Variants in PRRC2C observed in about 807,000 individuals in gnomAD.
The protein encoded by PRRC2C is proline rich coiled-coil 2C, also known as protein PRRC2C.
A neutral mutation model predicts 317.2 loss-of-function variants in PRRC2C; 72 were observed. The ratio of observed to expected loss-of-function variants is 0.23; its 90% CI spans 0.19 to 0.28. The LOEUF is 0.28. Among genes scored for constraint, PRRC2C ranks in the 10% least tolerant of loss-of-function variants. The pLI, the probability that PRRC2C is intolerant of heterozygous loss-of-function variation, is 1.00. For missense variants in PRRC2C, 3,074 were observed against 3,459.7 expected, an observed-to-expected ratio of 0.89 and a Z score of 2.80; for synonymous variants, 1,296 against 1,205.9, an observed-to-expected ratio of 1.07 and a Z score of -1.55.
chr1:171,584,365 G>A lies in PRRC2C; in HGVS notation c.7642-54G>A, dbSNP rs987244696. On this transcript the variant is annotated intron_variant, in intron 29 of 34. Transcript: ENST00000647382. ...CTTTGAAGTCATAATCTCCACCTCT[G>A]AATTTGAAATTTTTTTCAGTCTTAC... 2.7e-5 allele frequency: 40 copies of A among 1,472,302 alleles called. No individual in the cohort carries two copies. The African/African-American group carries it at 5.7e-4, about 21-fold the overall frequency. 91.2% of individuals were successfully genotyped at this position (1,472,302 alleles called of 1,614,324 possible). A position where few individuals can be genotyped will look rare whatever the true frequency, so the allele number is the denominator to read the frequency against.
chr1:171,506,544 AACACCAATTAC>A (rs1670257923), intron 1 of PRRC2C, among the ~76,000 whole-genome samples: 2 of 149,472 alleles, frequency 1.3e-5, no homozygotes, highest in African/African-American at 4.9e-5. Context: ...CTCTATGTGT[AACACCAATTAC>A]ACATAGATTA....
chr1:171,577,184 A>G (rs780264814), intron 25 of PRRC2C, among the ~76,000 whole-genome samples: 1 of 151,892 alleles, frequency 6.6e-6, no homozygotes, highest in Non-Finnish European at 1.5e-5. Context: ...CATTTTATTA[A>G]TTTTGTGTTT....
At chr1:171,552,350 A>G (rs1169312734) in intron 18 of PRRC2C, among the ~76,000 whole-genome samples, 1 of 152,214 alleles carries the variant, frequency 6.6e-6, no homozygotes, top group Non-Finnish European at 1.5e-5. Context: ...TATCAGCTTA[A>G]GGAGATTTTG....
chr1:171,540,332 A>T lies in PRRC2C; in HGVS notation c.2866A>T (p.Ile956Phe). Residue 956 changes from isoleucine to phenylalanine, a missense_variant, in exon 16 of 35, where the codon ATT becomes TTT. Ile to Phe is a conservative substitution (Grantham distance 21, BLOSUM62 0). Around this residue, in one of 11 missense-constraint regions of PRRC2C, gnomAD observed 1,320 missense variants for 1,395.7 expected, o/e 0.95. Coordinates refer to ENST00000647382, the MANE Select transcript of PRRC2C (RefSeq NM_001387844.1). ...CATTCCTAAAGTAACCAGCAGATGC[A>T]TTGATTCAAAAGAACCAATAGAAAG... ...AGIPKVTSRC[I>F]DSKEPIERPE... 1 of 1,613,538 alleles carries T rather than the reference A, an allele frequency of 6.2e-7. No homozygotes were observed. The highest frequency in any genetic ancestry group is 8.5e-7 in the Non-Finnish European group (1 of 1,179,756).
At chr1:171,521,612 G>T (rs1352539951) in intron 6 of PRRC2C, among the ~76,000 whole-genome samples, 1 of 145,618 alleles carries the variant, frequency 6.9e-6, no homozygotes, top group Non-Finnish European at 1.5e-5. Flanking sequence ...TCTTCCCCAC[G>T]CCTGCCACCC....
rs1650361886 is a variant in PRRC2C at position 171,587,666 on chromosome 1, A to C, written c.7987A>C (p.Lys2663Gln). 1 of 1,611,436 alleles carries C rather than the reference A, an allele frequency of 6.2e-7. No homozygotes were observed. Among genetic ancestry groups the C allele is most frequent in the Admixed American group, 1.7e-5 (1 of 59,938 alleles). The change falls in exon 32 of 35, where the codon AAA becomes CAA. Residue 2663 changes from lysine (K) to glutamine (Q), a missense_variant. Coordinates refer to ENST00000647382, the MANE Select transcript of PRRC2C (RefSeq NM_001387844.1). ...TCCTCAGATGTCTGAAATGGAACTAAAAGCCTTTGGAAGTGGCATTGATAT... is the reference window on the plus strand; with the variant it reads ...TCCTCAGATGTCTGAAATGGAACTACAAGCCTTTGGAAGTGGCATTGATAT... ...TTGKMSEMEL[K>Q]AFGSGIDIKP...
chr1:171,541,377 A>G lies in PRRC2C; in HGVS notation c.3911A>G (p.His1304Arg). ...GAAAACAAAAAACCTGTAAAGCCTCATTCTTCTTTCAAGCCTGATAATCAT... is the reference window on the plus strand; with the variant it reads ...GAAAACAAAAAACCTGTAAAGCCTCGTTCTTCTTTCAAGCCTGATAATCAT... The part of the protein sequence containing the change: ...RPENKKPVKP[H>R]SSFKPDNHVR... The change falls in exon 16 of 35, where the codon CAT becomes CGT. Residue 1304 changes from histidine (H) to arginine (R), a missense_variant. His to Arg is a conservative substitution (Grantham distance 29). This residue lies in a region of PRRC2C where 1,320 missense variants were observed against 1,395.7 expected (regional missense o/e 0.95). Coordinates refer to ENST00000647382, the MANE Select transcript of PRRC2C (RefSeq NM_001387844.1). This position sits in a 1 kb window ranked among gnomAD's most constrained non-coding sequence, Gnocchi z 4.1. The G allele has an allele frequency of 6.2e-7, 1 of 1,612,688 alleles. No individual in the cohort carries two copies. The highest frequency in any genetic ancestry group is 8.5e-7 in the Non-Finnish European group (1 of 1,179,542).
At chr1:171,567,331 A>G (rs1412093294) in intron 22 of PRRC2C, among the ~76,000 whole-genome samples, 1 of 152,228 alleles carries the variant, frequency 6.6e-6, no homozygotes, top group East Asian at 1.9e-4. Flanking sequence ...TGAAACGTGT[A>G]TCTAAAAATG....
At chr1:171,511,887 T>C (rs1671456992) in intron 1 of PRRC2C, 145 bp from the exon 2 acceptor site, 1 of 429,044 alleles carries the variant, frequency 2.3e-6, no homozygotes, top group Admixed American at 4.1e-5. Context: ...GTGATCAATT[T>C]TGTTGTGTAT....
intron 23 of PRRC2C, among the ~76,000 whole-genome samples, chr1:171,568,806 C>G (rs556461640): frequency 6.6e-6 from 1 of 151,442 alleles, no homozygotes; most frequent in African/African-American, 2.4e-5. Flanking sequence ...GAAAAAATAC[C>G]AGCGTGTTAA....
At chr1:171,564,245 C>T (rs898591384) in intron 20 of PRRC2C, among the ~76,000 whole-genome samples, 5 of 152,100 alleles carry the variant, frequency 3.3e-5, no homozygotes, top group African/African-American at 1.2e-4. Flanking sequence ...ACCAACTAGC[C>T]TTACAAAGAC....
Position 171,566,371 on chromosome 1 carries a change from A to G in PRRC2C, c.6256A>G (p.Lys2086Glu). 6.3e-7 allele frequency: 1 copy of G among 1,593,436 alleles called. No individual in the cohort carries two copies. Among genetic ancestry groups the G allele is most frequent in the East Asian group, 2.3e-5 (1 of 44,096 alleles). The change falls in exon 21 of 35, where the codon AAA becomes GAA. Residue 2086 changes from lysine (K) to glutamate (E), a missense_variant. By Grantham distance (56) the Lys-to-Glu change is moderately conservative. Around this residue, in one of 11 missense-constraint regions of PRRC2C, gnomAD observed 640 missense variants for 676.1 expected, o/e 0.95. Coordinates refer to ENST00000647382, the MANE Select transcript of PRRC2C (RefSeq NM_001387844.1). ...ATCTGCTGACAAAATACCTGAACCTAAAGAACAGCGGCAGAAGCAGCCACG... is the reference window on the plus strand; with the variant it reads ...ATCTGCTGACAAAATACCTGAACCTGAAGAACAGCGGCAGAAGCAGCCACG... ...EKSADKIPEPKEQRQKQPRAG... is the reference protein window; with the variant it reads ...EKSADKIPEPEEQRQKQPRAG...
At chr1:171,578,286 C>T (rs1252940635) in intron 26 of PRRC2C, among the ~76,000 whole-genome samples, 1 of 151,976 alleles carries the variant, frequency 6.6e-6, no homozygotes, top group Non-Finnish European at 1.5e-5. Flanking sequence ...GGTGTGGTGG[C>T]TCATACCTAT....
chr1:171,522,317 A>G, intron 7 of PRRC2C, 58 bp downstream of exon 7: 1 of 1,204,806 alleles, frequency 8.3e-7, no homozygotes, highest in Non-Finnish European at 1.2e-6. Flanking sequence ...AGATTTCCTG[A>G]AGGTTGAGTG....
intron 15 of PRRC2C, among the ~76,000 whole-genome samples, chr1:171,539,171 C>T (rs1314120497): frequency 2.0e-5 from 3 of 152,034 alleles, no homozygotes; most frequent in African/African-American, 7.2e-5. Context: ...CCAGCTGATT[C>T]TGTATTTTTA....
Position 171,541,616 on chromosome 1 carries a change from G to A in PRRC2C, c.4150G>A (p.Val1384Ile). ...DNQWNPRQSE[V>I]PKPEDGEPPR... is the part of the protein sequence containing the mutation. ...TCAGTGGAACCCAAGGCAGTCAGAAGTTCCTAAACCAGAAGATGGAGAGCC... is the reference window on the plus strand; with the variant it reads ...TCAGTGGAACCCAAGGCAGTCAGAAATTCCTAAACCAGAAGATGGAGAGCC... The change falls in exon 16 of 35, where the codon GTT (valine) becomes ATT (isoleucine). Residue 1384 changes from valine to isoleucine, a missense_variant. Physicochemically the swap from Val to Ile is conservative, Grantham distance 29. This residue lies in a region of PRRC2C where 1,320 missense variants were observed against 1,395.7 expected (regional missense o/e 0.95). Transcript: ENST00000647382. This position sits in a 1 kb window ranked among gnomAD's most constrained non-coding sequence, Gnocchi z 4.1. The A allele has an allele frequency of 6.2e-7, 1 of 1,613,780 alleles. No individual in the cohort carries two copies. The highest frequency in any genetic ancestry group is 8.5e-7 in the Non-Finnish European group (1 of 1,179,864).
intron 34 of PRRC2C, chr1:171,591,295 G>A: frequency 5.4e-6 from 5 of 924,138 alleles, no homozygotes; most frequent in Non-Finnish European, 5.5e-6. Context: ...TATGTTTTTA[G>A]ATTTGCAAGC....
At chr1:171,575,200 A>G (rs753146774) in intron 25 of PRRC2C, 72 bp downstream of exon 25, 10 of 1,368,496 alleles carry the variant, frequency 7.3e-6, no homozygotes, top group Middle Eastern at 2.5e-4. Flanking sequence ...CTTCTTGTTT[A>G]CTATCTCTAG....
intron 18 of PRRC2C, among the ~76,000 whole-genome samples, chr1:171,555,608 A>G (rs1681212656): frequency 6.6e-6 from 1 of 151,946 alleles, no homozygotes; most frequent in Non-Finnish European, 1.5e-5. Flanking sequence ...GGTTTTATTT[A>G]CCTTTGGTCT....
Sources: allele counts gnomAD v4.1 joint callset (sites outside exome capture counted in the v4.1 genomes callset), GRCh38; gene constraint gnomAD v4.1.1; regional missense constraint gnomAD v4.1.1; non-coding constraint Gnocchi (gnomAD v3.1); transcripts MANE v1.5; gene names NCBI Gene and HGNC (gene_info 2026-07-23, HGNC 2026-07-21).